HIP1: variants seen among roughly 807,000 people sequenced by gnomAD.
HIP1 encodes huntingtin-interacting protein 1.
In HIP1, 65 loss-of-function variants were observed where a neutral mutation model predicts 147.6. That is an observed-to-expected ratio of 0.44 (90% CI 0.36 to 0.54). The LOEUF is 0.54. HIP1 is among the 20% of genes least tolerant of loss of function. The probability of loss-of-function intolerance (pLI) is 0.00; values close to 1 mark genes in which losing one functional copy is unlikely to be tolerated. For synonymous variants in HIP1, 479 were observed against 504.0 expected, an observed-to-expected ratio of 0.95 and a Z score of 0.67; for missense variants, 1,061 against 1,299.6, an observed-to-expected ratio of 0.82 and a Z score of 2.82.
At chr7:75,710,186 C>A (rs1026168341) in intron 1 of HIP1, among the ~76,000 whole-genome samples, 4 of 152,154 alleles carry the variant, frequency 2.6e-5, no homozygotes, top group Non-Finnish European at 4.4e-5. Flanking sequence ...GCGTGAGCCA[C>A]TGTGCCTGGC....
At chr7:75,546,212 AT>A (rs782380936) in intron 25 of HIP1, among the ~76,000 whole-genome samples, 16 of 151,998 alleles carry the variant, frequency 1.1e-4, no homozygotes, top group African/African-American at 2.9e-4. Context: ...TTAAAAAAAA[AT>A]ATTTCTACTT....
In HIP1 at chr7:75,562,117, A is replaced by T. The variant is rs189270412; in HGVS notation, c.1074T>A (p.Asp358Glu). The change falls in exon 12 of 31, where the codon GAT becomes GAA. Residue 358 changes from aspartate to glutamate, a missense_variant. Physicochemically the swap from Asp to Glu is conservative, Grantham distance 45. Around this residue, in one of 3 missense-constraint regions of HIP1, gnomAD observed 810 missense variants for 946.8 expected, o/e 0.86. Transcript: ENST00000336926. ...CATTTTGACTGTTGAAATTGAAGGG[A>T]TCACTGCTGAATGAACTGCCAAAGA... Reference protein sequence around the residue: ...DDIFGSSFSSDPFNFNSQNGV... With the variant: ...DDIFGSSFSSEPFNFNSQNGV... 6.2e-7 allele frequency: 1 copy of T among 1,613,826 alleles called. No individual in the cohort carries two copies. Among genetic ancestry groups the T allele is most frequent in the East Asian group, 2.2e-5 (1 of 44,878 alleles).
intron 2 of HIP1, among the ~76,000 whole-genome samples, chr7:75,594,473 C>G (rs1416783208): frequency 7.9e-5 from 12 of 152,066 alleles, no homozygotes; most frequent in African/African-American, 2.9e-4. Flanking sequence ...TGTCAGTTTG[C>G]ATGTAATAAA....
intron 4 of HIP1, among the ~76,000 whole-genome samples, chr7:75,590,806 A>G (rs1554500590): frequency 6.6e-6 from 1 of 152,204 alleles, no homozygotes; most frequent in African/African-American, 2.4e-5. Context: ...ACAGTTGGGA[A>G]ATCTGGGGAC....
chr7:75,623,417 A>T (rs1308051966), intron 1 of HIP1, among the ~76,000 whole-genome samples: 1 of 151,998 alleles, frequency 6.6e-6, no homozygotes, highest in African/African-American at 2.4e-5. Context: ...GCGCATGAGG[A>T]GAGGACGGGA....
intron 1 of HIP1, among the ~76,000 whole-genome samples, chr7:75,623,652 G>T (rs587709907): frequency 6.6e-6 from 1 of 152,312 alleles, no homozygotes; most frequent in South Asian, 2.1e-4. Context: ...CAGGCAAGTG[G>T]CACTTGGAGA....
rs797039250 is a variant in HIP1, at chr7:75,692,267, A to AT, written c.120+46533dup. 2.7e-3 allele frequency among the ~76,000 whole-genome samples: 401 copies of AT among 150,468 alleles called. 1 individual carries two copies. The highest frequency in any genetic ancestry group is 8.4e-3 in the African/African-American group (344 of 40,948). On this transcript the variant is annotated intron_variant, in intron 1 of 30. Transcript: ENST00000336926. ...TTCCTTTTTCTTTAATTATTTATTG[A>AT]TTTTTTTTTAAGGCAGGGTCTTGCT...
Position 75,559,876 on chromosome 7 carries a change from C to T in HIP1, c.1231G>A (p.Glu411Lys), listed in dbSNP as rs145177265. The T allele has an allele frequency of 8.7e-6, 14 of 1,610,746 alleles. No individual in the cohort carries two copies. Among genetic ancestry groups the T allele is most frequent in the Admixed American group, 5.0e-5 (3 of 59,640 alleles). Reference protein sequence around the residue: ...VVLQLKGHVSELEADLAEQQH... With the variant: ...VVLQLKGHVSKLEADLAEQQH... Reference sequence around the variant, plus strand: ...TGCTCGGCCAGATCTGCTTCCAGCTCGCTGACGTGGCCCTTCAGCTGCAGC... The same window carrying T: ...TGCTCGGCCAGATCTGCTTCCAGCTTGCTGACGTGGCCCTTCAGCTGCAGC... The change falls in exon 14 of 31, where the codon GAG becomes AAG. Residue 411 changes from glutamate (E) to lysine (K), a missense_variant. Physicochemically the swap from Glu to Lys is moderately conservative, Grantham distance 56. Coordinates refer to ENST00000336926, the MANE Select transcript of HIP1 (RefSeq NM_005338.7).
At chr7:75,562,254 G>A (rs1795253383) in intron 11 of HIP1, 84 bp from the exon 12 acceptor site, 1 of 886,242 alleles carries the variant, frequency 1.1e-6, no homozygotes. Context: ...ATGGGAGAAT[G>A]CCCCCTTTCT....
At chr7:75,618,620 T>C (rs918889238) in intron 1 of HIP1, among the ~76,000 whole-genome samples, 1 of 152,134 alleles carries the variant, frequency 6.6e-6, no homozygotes, top group Non-Finnish European at 1.5e-5. Context: ...AGGTTAGTTT[T>C]GTCTCTTCTC....
At chr7:75,671,145 G>C (rs1799720341) in intron 1 of HIP1, among the ~76,000 whole-genome samples, 1 of 152,040 alleles carries the variant, frequency 6.6e-6, no homozygotes, top group Non-Finnish European at 1.5e-5. Flanking sequence ...CCAGGCTGGA[G>C]GGCAATGGAG....
chr7:75,537,126 G>T lies in HIP1; in HGVS notation c.*1046C>A, dbSNP rs1463858969. On this transcript the variant is annotated 3_prime_UTR_variant, in exon 31 of 31. Coordinates refer to ENST00000336926, the MANE Select transcript of HIP1 (RefSeq NM_005338.7). ...TTCACGGACAGTTCATTCCGGCAGG[G>T]AAGTAGTGTTGTTGATCTCACCAGC... is the stretch of plus-strand genomic sequence containing the variant. 8.6e-6 allele frequency: 2 copies of T among 232,666 alleles called. No individual in the cohort carries two copies. The highest frequency in any genetic ancestry group is 1.7e-5 in the Non-Finnish European group (2 of 117,770). The allele number at this position is 232,666 out of a possible 1,614,324, so 14.4% of individuals were successfully genotyped here. A position where few individuals can be genotyped will look rare whatever the true frequency, so the allele number is the denominator to read the frequency against.
At position 75,586,824 on chromosome 7, in the gene HIP1, T is replaced by G; in HGVS notation, c.394A>C (p.Ser132Arg). 2 of 1,611,754 alleles carry G rather than the reference T, an allele frequency of 1.2e-6. No individual in the cohort carries two copies. The highest frequency in any genetic ancestry group is 1.7e-6 in the Non-Finnish European group (2 of 1,178,096). Reference protein sequence around the residue: ...SDMSRMWGHLSEGYGQLCSIY... With the variant: ...SDMSRMWGHLREGYGQLCSIY... ...CTGCACAGCTGGCCATACCCCTCGC[T>G]CAGGTGGCCCTTTTAGGAAGAGGAG... The change falls in exon 5 of 31, where the codon AGC becomes CGC. Residue 132 changes from serine to arginine, a missense_variant. Coordinates refer to ENST00000336926, the MANE Select transcript of HIP1 (RefSeq NM_005338.7).
At chr7:75,571,813 A>G (rs587664815) in intron 8 of HIP1, among the ~76,000 whole-genome samples, 5 of 152,172 alleles carry the variant, frequency 3.3e-5, no homozygotes, top group Non-Finnish European at 7.4e-5. Context: ...CCAACCCCTG[A>G]GCTCAAGCGA....
chr7:75,578,917 G>T (rs1305499114), intron 7 of HIP1, among the ~76,000 whole-genome samples: 1 of 151,926 alleles, frequency 6.6e-6, no homozygotes, highest in Non-Finnish European at 1.5e-5. Context: ...CCGGGTTCAA[G>T]CAATTCTCCT....
intron 1 of HIP1, among the ~76,000 whole-genome samples, chr7:75,620,379 A>G (rs1797805153): frequency 7.9e-6 from 1 of 125,884 alleles, no homozygotes; most frequent in African/African-American, 3.6e-5. Context: ...GAGCAAGACC[A>G]TGTCTTTAAA....
chr7:75,693,923 T>TC (rs1239777836), intron 1 of HIP1, among the ~76,000 whole-genome samples: 4 of 142,628 alleles, frequency 2.8e-5, no homozygotes, highest in African/African-American at 1.0e-4. Context: ...TCTTTTCTTT[T>TC]TTTTTTTTTT....
At position 75,604,182 on chromosome 7, in the gene HIP1, G is replaced by A. The variant is rs587691575; in HGVS notation, c.121-4935C>T. ...ATTCTGGCTGCAGACAGACCCCTGG[G>A]CAAAGTCTCCATACTTCCGGAGCCC... On this transcript the variant is annotated intron_variant, in intron 1 of 30. Coordinates refer to ENST00000336926, the MANE Select transcript of HIP1 (RefSeq NM_005338.7). Among the ~76,000 whole-genome samples, 3 of 152,296 alleles carry A rather than the reference G, an allele frequency of 2.0e-5. No homozygotes were observed. In the South Asian group the frequency reaches 6.2e-4, roughly 32 times the overall value.
At chr7:75,694,123 T>G (rs1475750597) in intron 1 of HIP1, among the ~76,000 whole-genome samples, 1 of 152,074 alleles carries the variant, frequency 6.6e-6, no homozygotes, top group African/African-American at 2.4e-5. Flanking sequence ...TTTCACCATG[T>G]TGGCCAGGCT....
Sources: gnomAD v4.1 joint callset for allele counts (sites outside exome capture counted in the v4.1 genomes callset) on GRCh38, gnomAD v4.1.1 for gene constraint, gnomAD v4.1.1 regional missense constraint, MANE v1.5 for transcripts, NCBI Gene and HGNC (gene_info 2026-07-23, HGNC 2026-07-21) for gene names.